The following TULP4 variants were observed in gnomAD, a reference collection of about 807,000 sequenced individuals.
TULP4 encodes the protein tubby-related protein 4.
In TULP4, 16 loss-of-function variants were observed where a neutral mutation model predicts 129.0. The observed-to-expected ratio is 0.12, with a 90% CI of 0.08 to 0.19. The LOEUF (loss-of-function observed/expected upper bound fraction) is 0.19. TULP4 is among the 10% of genes least tolerant of loss of function. The pLI is 1.00. For missense variants in TULP4, 1,842 were observed against 2,059.1 expected, an observed-to-expected ratio of 0.89 and a Z score of 2.04; for synonymous variants, 998 against 854.0, an observed-to-expected ratio of 1.17 and a Z score of -2.94.
intron 1 of TULP4, among the ~76,000 whole-genome samples, chr6:158,255,117 G>C (rs262823): frequency 0.46 from 69,357 of 151,636 alleles, 16,217 homozygotes; most frequent in East Asian, 0.54. Context: ...TGTGTCCCTT[G>C]TCTTACTCCC....
At position 158,362,967 on chromosome 6, in the gene TULP4, C is replaced by T. The variant is rs1017607692; in HGVS notation, c.252+48699C>T. On this transcript the variant is annotated intron_variant, in intron 1 of 13. Transcript: ENST00000367097. Reference sequence around the variant, plus strand: ...ATCCCAGCTACTCGGGAGGCTAAGGCAGGAGAAGCGCTTGAACCCGGGAGG... The same window carrying T: ...ATCCCAGCTACTCGGGAGGCTAAGGTAGGAGAAGCGCTTGAACCCGGGAGG... 2.7e-5 allele frequency among the ~76,000 whole-genome samples: 4 copies of T among 147,570 alleles called. No homozygotes were observed. The Admixed American group carries it at 2.8e-4, about 10-fold the overall frequency.
At chr6:158,408,247 G>T (rs925001909) in intron 1 of TULP4, among the ~76,000 whole-genome samples, 2 of 152,176 alleles carry the variant, frequency 1.3e-5, no homozygotes, top group African/African-American at 4.8e-5. Context: ...CTCACCAGGC[G>T]GCAAGGGGCA....
chr6:158,260,207 C>T (rs1298109916), intron 1 of TULP4, among the ~76,000 whole-genome samples: 2 of 152,198 alleles, frequency 1.3e-5, no homozygotes, highest in Non-Finnish European at 2.9e-5. Context: ...AGAAGTGACT[C>T]TTCACAGATA....
chr6:158,237,209 A>G (rs1583662060), intron 1 of TULP4: 1 of 726,138 alleles, frequency 1.4e-6, no homozygotes. Flanking sequence ...TTGAAACACA[A>G]GGAATTATTT....
At chr6:158,239,020 C>T (rs1213177550) in intron 1 of TULP4, among the ~76,000 whole-genome samples, 1 of 143,576 alleles carries the variant, frequency 7.0e-6, no homozygotes, top group Non-Finnish European at 1.6e-5. Context: ...AGAGGCGCCC[C>T]TCACCTCCCG....
At chr6:158,459,153 G>A (rs970616394) in intron 5 of TULP4, among the ~76,000 whole-genome samples, 5 of 152,144 alleles carry the variant, frequency 3.3e-5, no homozygotes, top group African/African-American at 7.2e-5. Context: ...AGTCCTGGCC[G>A]GGCGCGGTGG....
Position 158,504,032 on chromosome 6 carries a change from C to G in TULP4, c.4369C>G (p.Arg1457Gly), listed in dbSNP as rs751290022. Reference sequence around the variant, plus strand: ...GCGGGCCAGTGAGAAGGAGGACGGGCGGCTGGGCAGCCAAGGCTTCGTGTA... The same window carrying G: ...GCGGGCCAGTGAGAAGGAGGACGGGGGGCTGGGCAGCCAAGGCTTCGTGTA... ...CRRASEKEDG[R>G]LGSQGFVYVM... Residue 1457 changes from arginine (R) to glycine (G), a missense_variant, in exon 13 of 14, where the codon CGG (arginine) becomes GGG (glycine). Physicochemically the swap from Arg to Gly is moderately radical, Grantham distance 125. Coordinates refer to ENST00000367097, the MANE Select transcript of TULP4 (RefSeq NM_020245.5). 1 of 1,610,542 alleles carries G rather than the reference C, an allele frequency of 6.2e-7. No homozygotes were observed. The highest frequency in any genetic ancestry group is 8.5e-7 in the Non-Finnish European group (1 of 1,178,544).
chr6:158,328,647 G>A (rs953671809), intron 1 of TULP4, among the ~76,000 whole-genome samples: 2 of 152,180 alleles, frequency 1.3e-5, no homozygotes, highest in Non-Finnish European at 2.9e-5. Context: ...CAGGTGAGAG[G>A]TTAGTACAGG....
At chr6:158,489,122 G>A (rs1780136548) in intron 8 of TULP4, among the ~76,000 whole-genome samples, 1 of 152,196 alleles carries the variant, frequency 6.6e-6, no homozygotes, top group Admixed American at 6.5e-5. Context: ...AGACCTAAGT[G>A]GAGGGGACCT....
At chr6:158,505,336 G>GA (rs397807352) in intron 13 of TULP4, among the ~76,000 whole-genome samples, 87 of 152,052 alleles carry the variant, frequency 5.7e-4, no homozygotes, top group African/African-American at 2.0e-3. Flanking sequence ...TAAGCCCAGG[G>GA]TTGGCATACT....
intron 1 of TULP4, among the ~76,000 whole-genome samples, chr6:158,347,865 C>T (rs973363954): frequency 4.6e-5 from 7 of 151,818 alleles, no homozygotes; most frequent in African/African-American, 1.7e-4. Context: ...GATTATTTTA[C>T]TTCTTTGATT....
chr6:158,392,699 A>G (rs534625222), intron 1 of TULP4, among the ~76,000 whole-genome samples: 2 of 149,576 alleles, frequency 1.3e-5, no homozygotes, highest in East Asian at 4.0e-4. Context: ...TGAGGGGACT[A>G]TGGCGGCTGA....
intron 5 of TULP4, among the ~76,000 whole-genome samples, chr6:158,453,790 G>GA (rs1184468061): frequency 0.41 from 46,144 of 112,294 alleles, 9,861 homozygotes; most frequent in African/African-American, 0.6. Context: ...CTCTGTCTCG[G>GA]AAAAAAAAAA....
intron 3 of TULP4, among the ~76,000 whole-genome samples, chr6:158,431,852 C>A (rs1254809940): frequency 1.3e-5 from 2 of 151,968 alleles, no homozygotes; most frequent in East Asian, 1.9e-4. Context: ...AGTCTGTAGA[C>A]CTTGGCGTGA....
intron 1 of TULP4, among the ~76,000 whole-genome samples, chr6:158,397,226 TCTGGGATGGAAG>T (rs1363556711): frequency 6.6e-6 from 1 of 152,190 alleles, no homozygotes; most frequent in Non-Finnish European, 1.5e-5. Flanking sequence ...CCTGCTGGAA[TCTGGGATGGAAG>T]CATGTGGTCA....
intron 6 of TULP4, among the ~76,000 whole-genome samples, chr6:158,461,962 A>G (rs1244287362): frequency 6.6e-6 from 1 of 152,190 alleles, no homozygotes; most frequent in African/African-American, 2.4e-5. Flanking sequence ...GTTTATCATC[A>G]GTCTGAAGCA....
chr6:158,244,855 TA>T (rs1349076435), intron 1 of TULP4, among the ~76,000 whole-genome samples: 8 of 151,942 alleles, frequency 5.3e-5, no homozygotes, highest in Non-Finnish European at 1.0e-4. Context: ...TAAATAATAA[TA>T]AAAAAACTAA....
At chr6:158,349,216 G>A (rs1190415293) in intron 1 of TULP4, among the ~76,000 whole-genome samples, 5 of 139,498 alleles carry the variant, frequency 3.6e-5, no homozygotes, top group African/African-American at 1.3e-4. Context: ...AGACGGGGTG[G>A]CCGGGCAGAG....
chr6:158,412,314 G>T (rs568156155), intron 1 of TULP4, among the ~76,000 whole-genome samples: 10 of 152,276 alleles, frequency 6.6e-5, no homozygotes, highest in South Asian at 4.1e-4. Context: ...GGTGTCCGGG[G>T]ACCATTCCAT....
Sources: gnomAD v4.1 joint callset for allele counts (sites outside exome capture counted in the v4.1 genomes callset) on GRCh38, gnomAD v4.1.1 for gene constraint, MANE v1.5 for transcripts, NCBI Gene and HGNC (gene_info 2026-07-23, HGNC 2026-07-21) for gene names.